Variants in PTPRO observed in about 807,000 individuals in gnomAD.
PTPRO encodes receptor-type tyrosine-protein phosphatase O.
A neutral mutation model predicts 145.2 loss-of-function variants in PTPRO; 62 were observed. The ratio of observed to expected loss-of-function variants is 0.43; its 90% CI spans 0.35 to 0.53. The LOEUF (loss-of-function observed/expected upper bound fraction) is 0.53. PTPRO is among the 20% of genes least tolerant of loss of function. PTPRO has a pLI of 0.01. For synonymous variants in PTPRO, 565 were observed against 514.7 expected, an observed-to-expected ratio of 1.10 and a Z score of -1.32; for missense variants, 1,345 against 1,482.7, an observed-to-expected ratio of 0.91 and a Z score of 1.53.
At chr12:15,537,575 G>A (rs1471688048) in intron 12 of PTPRO, among the ~76,000 whole-genome samples, 1 of 152,174 alleles carries the variant, frequency 6.6e-6, no homozygotes, top group Admixed American at 6.5e-5. Flanking sequence ...GTGATTTTGA[G>A]AAGAGGCATT....
intron 1 of PTPRO, among the ~76,000 whole-genome samples, chr12:15,388,477 G>A (rs1040848839): frequency 1.3e-5 from 2 of 152,152 alleles, no homozygotes; most frequent in African/African-American, 4.8e-5. Context: ...AATAGCTAGA[G>A]AGTCCTGCCA....
chr12:15,391,915 A>T (rs760939706), intron 1 of PTPRO, among the ~76,000 whole-genome samples: 1 of 152,216 alleles, frequency 6.6e-6, no homozygotes, highest in Non-Finnish European at 1.5e-5. Flanking sequence ...TAGCTACTCC[A>T]GACAGCACCA....
At chr12:15,347,421 A>T (rs1867259529) in intron 1 of PTPRO, among the ~76,000 whole-genome samples, 1 of 152,192 alleles carries the variant, frequency 6.6e-6, no homozygotes, top group Non-Finnish European at 1.5e-5. Flanking sequence ...TGATCTCCTT[A>T]AAGAAAGAGA....
chr12:15,595,073 C>A lies in PTPRO; in HGVS notation c.*16+16C>A. 1 of 1,508,714 alleles carries A rather than the reference C, an allele frequency of 6.6e-7. No homozygotes were observed. Among genetic ancestry groups the A allele is most frequent in the Non-Finnish European group, 9.2e-7 (1 of 1,085,002 alleles). The allele number at this position is 1,508,714 out of a possible 1,614,324, so 93.5% of individuals were successfully genotyped here. On this transcript the variant is annotated intron_variant, in intron 26 of 26. Transcript: ENST00000281171. The stretch of plus-strand genomic sequence containing the variant: ...ATCCGGAGCAGTAAGTGGAGAAGAG[C>A]TCTCCACGAGTGCTCAGTCTTAGAA...
At chr12:15,452,531 G>A (rs1269627219) in intron 1 of PTPRO, among the ~76,000 whole-genome samples, 1 of 152,074 alleles carries the variant, frequency 6.6e-6, no homozygotes, top group Non-Finnish European at 1.5e-5. Flanking sequence ...ACGGGGAAAG[G>A]ACGTGACAGA....
intron 1 of PTPRO, among the ~76,000 whole-genome samples, chr12:15,420,101 C>G (rs1446441471): frequency 7.6e-6 from 1 of 131,208 alleles, no homozygotes; most frequent in Non-Finnish European, 1.5e-5. Flanking sequence ...GAGCGGAGAT[C>G]GCACCACTGC....
At chr12:15,465,068 C>T (rs1474086446) in intron 1 of PTPRO, among the ~76,000 whole-genome samples, 1 of 152,166 alleles carries the variant, frequency 6.6e-6, no homozygotes, top group Non-Finnish European at 1.5e-5. Context: ...GTTTCCTTAA[C>T]ACCAAATAGC....
intron 14 of PTPRO, 26 bp from the exon 15 acceptor site, chr12:15,551,525 T>C (rs1943459391): frequency 6.2e-7 from 1 of 1,611,464 alleles, no homozygotes; most frequent in Non-Finnish European, 8.5e-7. Flanking sequence ...GAACCTATGA[T>C]GAAAATGCAC....
At chr12:15,496,134 C>CTTTTTTTATTTTTTTTT (rs1349321752) in intron 2 of PTPRO, among the ~76,000 whole-genome samples, 1 of 93,136 alleles carries the variant, frequency 1.1e-5, no homozygotes, top group Non-Finnish European at 2.2e-5. Flanking sequence ...TTTTTCTTTT[C>CTTTTTTTATTTTTTTTT]TTTTTTTGTT....
chr12:15,477,112 CA>C, intron 1 of PTPRO, among the ~76,000 whole-genome samples: 1 of 28,008 alleles, frequency 3.6e-5, no homozygotes. Flanking sequence ...AAATGTCCAA[CA>C]ATGATAGACT....
chr12:15,359,717 C>T (rs977985002), intron 1 of PTPRO, among the ~76,000 whole-genome samples: 2 of 152,060 alleles, frequency 1.3e-5, no homozygotes, highest in South Asian at 2.1e-4. Context: ...CAAGAGCCAC[C>T]GCACCAGGCC....
intron 2 of PTPRO, among the ~76,000 whole-genome samples, chr12:15,486,406 C>T (rs1328609261): frequency 1.3e-5 from 2 of 152,142 alleles, no homozygotes; most frequent in Non-Finnish European, 2.9e-5. Flanking sequence ...CACCCTTTTG[C>T]TTTCAGCCTA....
intron 1 of PTPRO, among the ~76,000 whole-genome samples, chr12:15,325,715 A>G (rs1372451823): frequency 6.6e-6 from 1 of 152,166 alleles, no homozygotes; most frequent in Non-Finnish European, 1.5e-5. Flanking sequence ...TCCTATCTTT[A>G]CTAAAGCCCT....
intron 9 of PTPRO, among the ~76,000 whole-genome samples, chr12:15,518,328 C>T (rs1295379656): frequency 6.6e-6 from 1 of 152,234 alleles, no homozygotes; most frequent in Non-Finnish European, 1.5e-5. Context: ...CTAGGCTGTA[C>T]ACAGCACAGG....
intron 2 of PTPRO, among the ~76,000 whole-genome samples, chr12:15,496,933 T>C (rs1942119305): frequency 6.6e-6 from 1 of 152,206 alleles, no homozygotes; most frequent in African/African-American, 2.4e-5. Flanking sequence ...AGTAATTTAG[T>C]CTGTGAGTCA....
At chr12:15,582,096 C>A (rs990822522) in intron 23 of PTPRO, among the ~76,000 whole-genome samples, 4 of 152,226 alleles carry the variant, frequency 2.6e-5, no homozygotes, top group Non-Finnish European at 5.9e-5. Context: ...GGCTAGTTAT[C>A]TGCAGCATGA....
In PTPRO at chr12:15,355,307, G is replaced by A. The variant is rs144079717; in HGVS notation, c.75+32506G>A. The stretch of plus-strand genomic sequence containing the variant: ...ATGACCTTTCCCTCCTTAGTCCCAG[G>A]TTTGTTTGGGATTTCATGTAATAAA... On this transcript the variant is annotated intron_variant, in intron 1 of 26. Transcript: ENST00000281171. 3.1e-3 allele frequency among the ~76,000 whole-genome samples: 479 copies of A among 152,262 alleles called. 4 individuals carry two copies. The highest frequency in any genetic ancestry group is 0.011 in the African/African-American group (439 of 41,554).
intron 14 of PTPRO, among the ~76,000 whole-genome samples, chr12:15,550,987 T>A (rs1056360420): frequency 5.3e-5 from 8 of 152,178 alleles, no homozygotes; most frequent in African/African-American, 1.9e-4. Flanking sequence ...TCTCTTGAGC[T>A]GTGCAGATGG....
At chr12:15,371,996 G>C (rs1938545206) in intron 1 of PTPRO, among the ~76,000 whole-genome samples, 1 of 152,036 alleles carries the variant, frequency 6.6e-6, no homozygotes, top group African/African-American at 2.4e-5. Flanking sequence ...TATATAAATT[G>C]CCCAGTCTCA....
Sources: allele counts gnomAD v4.1 joint callset (sites outside exome capture counted in the v4.1 genomes callset), GRCh38; gene constraint gnomAD v4.1.1; transcripts MANE v1.5; gene names NCBI Gene and HGNC (gene_info 2026-07-23, HGNC 2026-07-21).